The following CTNNA2 variants were observed in gnomAD, a reference collection of about 807,000 sequenced individuals.
CTNNA2 encodes the protein catenin alpha-2.
In CTNNA2, 42 loss-of-function variants were observed where a neutral mutation model predicts 101.0. The ratio of observed to expected loss-of-function variants is 0.42; its 90% CI spans 0.32 to 0.54. CTNNA2 has a LOEUF of 0.54. CTNNA2 is among the 20% of genes least tolerant of loss of function. The probability of loss-of-function intolerance (pLI) is 0.14; values close to 1 mark genes in which losing one functional copy is unlikely to be tolerated. For missense variants in CTNNA2, 871 were observed against 1,223.1 expected (o/e 0.71, Z 4.29); for synonymous variants, 450 against 456.4 (o/e 0.99, Z 0.18).
chr2:80,456,475 G>T (rs1021169239), intron 9 of CTNNA2, among the ~76,000 whole-genome samples: 15 of 152,170 alleles, frequency 9.9e-5, no homozygotes, highest in African/African-American at 3.6e-4. Context: ...GGGATAGTGA[G>T]ATCCCAGAGC....
chr2:80,242,472 T>C (rs1302500993), intron 7 of CTNNA2, among the ~76,000 whole-genome samples: 1 of 152,184 alleles, frequency 6.6e-6, no homozygotes, highest in African/African-American at 2.4e-5. Flanking sequence ...CCTGCTTCAA[T>C]TTATCTCTCC....
intron 4 of CTNNA2, among the ~76,000 whole-genome samples, chr2:79,492,106 G>A (rs1179384686): frequency 6.6e-6 from 1 of 151,984 alleles, no homozygotes; most frequent in Non-Finnish European, 1.5e-5. Context: ...AATAGTACCT[G>A]TTAATTGATA....
intron 9 of CTNNA2, among the ~76,000 whole-genome samples, chr2:80,511,107 A>AT (rs1688671740): frequency 6.6e-6 from 1 of 152,172 alleles, no homozygotes; most frequent in Admixed American, 6.5e-5. Context: ...GTATCCAGTC[A>AT]TTCTCTGGGA....
At chr2:79,741,293 A>G (rs1671270746) in intron 2 of CTNNA2, among the ~76,000 whole-genome samples, 2 of 152,178 alleles carry the variant, frequency 1.3e-5, no homozygotes, top group Admixed American at 6.5e-5. Flanking sequence ...ATCTGTCTCT[A>G]ATTTACTGAA....
intron 6 of CTNNA2, among the ~76,000 whole-genome samples, chr2:79,896,936 C>T (rs375031973): frequency 8.5e-5 from 13 of 152,166 alleles, no homozygotes; most frequent in East Asian, 7.8e-4. Context: ...TGGCAGGAGC[C>T]GGGGGTTCAT....
intron 2 of CTNNA2, among the ~76,000 whole-genome samples, chr2:79,735,230 C>T (rs1670790739): frequency 6.6e-6 from 1 of 152,052 alleles, no homozygotes; most frequent in African/African-American, 2.4e-5. Flanking sequence ...ACATCGTGCC[C>T]TAATAGAGAC....
At chr2:79,936,366 G>C (rs1179157680) in intron 7 of CTNNA2, among the ~76,000 whole-genome samples, 10 of 151,854 alleles carry the variant, frequency 6.6e-5, no homozygotes, top group Admixed American at 4.6e-4. Flanking sequence ...TCATACCTGT[G>C]AAAGGAGGAA....
At chr2:79,906,567 A>G (rs1318683583) in intron 6 of CTNNA2, among the ~76,000 whole-genome samples, 3 of 152,208 alleles carry the variant, frequency 2.0e-5, no homozygotes, top group Non-Finnish European at 2.9e-5. Context: ...GTAAATAATG[A>G]ATAATTCCAT....
chr2:80,043,441 ACCTGTCTC>A (rs1423544547), intron 7 of CTNNA2, among the ~76,000 whole-genome samples: 1 of 151,536 alleles, frequency 6.6e-6, no homozygotes, highest in Non-Finnish European at 1.5e-5. Flanking sequence ...CAAGTGATCC[ACCTGTCTC>A]GGCCTCCCAA....
chr2:80,602,866 C>G (rs1416529417), intron 15 of CTNNA2, among the ~76,000 whole-genome samples: 1 of 151,864 alleles, frequency 6.6e-6, no homozygotes, highest in African/African-American at 2.4e-5. Context: ...TAATAGAAAC[C>G]CAGTATATTT....
In CTNNA2 at chr2:80,492,333, C is replaced by A. The variant is rs192678426; in HGVS notation, c.1291-52649C>A. ...CCAGCCATGCTTCCTGTACAACCTG[C>A]AGAGCCATCAGCCAATTCAACCTCT... On this transcript the variant is annotated intron_variant, in intron 9 of 18. Transcript: ENST00000402739. 1.2e-3 allele frequency among the ~76,000 whole-genome samples: 185 copies of A among 152,096 alleles called. 1 individual carries two copies. The highest frequency in any genetic ancestry group is 4.3e-3 in the African/African-American group (179 of 41,554).
Position 79,354,834 on chromosome 2 carries a change from C to T in CTNNA2, c.-317-18997C>T, listed in dbSNP as rs183525780. Among the ~76,000 whole-genome samples, 6 of 152,264 alleles carry T rather than the reference C, an allele frequency of 3.9e-5. No individual in the cohort carries two copies. The East Asian group carries it at 1.2e-3, about 29-fold the overall frequency. ...GTAGTCAGCAATCCCATGTAGGATT[C>T]CAAGCTTCCTTCCTCTTCAATGTCA... is the stretch of plus-strand genomic sequence containing the variant. On this transcript the variant is annotated intron_variant, in intron 3 of 21. Coordinates refer to the CTNNA2 transcript ENST00000466387.
chr2:80,245,794 C>CTTTTTTTT (rs34625586), intron 7 of CTNNA2, among the ~76,000 whole-genome samples: 2 of 58,954 alleles, frequency 3.4e-5, no homozygotes, highest in Non-Finnish European at 2.9e-5. Flanking sequence ...TATGATTTAA[C>CTTTTTTTT]TTTTTTTTTT....
intron 7 of CTNNA2, among the ~76,000 whole-genome samples, chr2:80,070,283 C>T (rs1698244078): frequency 6.6e-6 from 1 of 152,156 alleles, no homozygotes; most frequent in Non-Finnish European, 1.5e-5. Context: ...AGAAATACTA[C>T]CTGGATGGTT....
At chr2:80,513,997 T>G (rs1688910084) in intron 9 of CTNNA2, among the ~76,000 whole-genome samples, 1 of 152,240 alleles carries the variant, frequency 6.6e-6, no homozygotes, top group Admixed American at 6.5e-5. Flanking sequence ...ATTTACCATT[T>G]GATTTGAACG....
At chr2:80,369,335 T>C (rs951057670) in intron 7 of CTNNA2, among the ~76,000 whole-genome samples, 3 of 152,148 alleles carry the variant, frequency 2.0e-5, no homozygotes, top group Admixed American at 2.0e-4. Flanking sequence ...GGGATAAATT[T>C]CTCTGTATCT....
intron 7 of CTNNA2, among the ~76,000 whole-genome samples, chr2:80,256,321 T>C (rs1672141904): frequency 1.3e-5 from 2 of 152,134 alleles, no homozygotes; most frequent in Admixed American, 1.3e-4. Flanking sequence ...GTATTTTCAG[T>C]CTCACACTGA....
chr2:79,258,892 C>G (rs1318761331), intron 2 of CTNNA2, among the ~76,000 whole-genome samples: 1 of 146,586 alleles, frequency 6.8e-6, no homozygotes, highest in Non-Finnish European at 1.5e-5. Context: ...TCTGATTGTA[C>G]CGAATATGGA....
chr2:80,200,896 G>C (rs1707162792), intron 7 of CTNNA2, among the ~76,000 whole-genome samples: 1 of 151,344 alleles, frequency 6.6e-6, no homozygotes, highest in South Asian at 2.1e-4. Flanking sequence ...CCTTCTCAGT[G>C]TCTTGGGATG....
Sources: gnomAD v4.1 joint callset for allele counts (sites outside exome capture counted in the v4.1 genomes callset) on GRCh38, gnomAD v4.1.1 for gene constraint, MANE v1.5 for transcripts, NCBI Gene and HGNC (gene_info 2026-07-23, HGNC 2026-07-21) for gene names.